The following ELF5 variants were observed in gnomAD, a reference collection of about 807,000 sequenced individuals.
The protein encoded by ELF5 is ETS-related transcription factor Elf-5.
ELF5 carries 31 observed loss-of-function variants against 38.2 expected under a neutral mutation model. The ratio of observed to expected loss-of-function variants is 0.81; its 90% CI spans 0.61 to 1.10. The LOEUF is 1.10. Among genes scored for constraint, ELF5 ranks in the 50% least tolerant of loss-of-function variants. The pLI, the probability that ELF5 is intolerant of heterozygous loss-of-function variation, is 0.00. For missense variants in ELF5, 300 were observed against 306.6 expected (o/e 0.98, Z 0.16); for synonymous variants, 121 against 112.5 (o/e 1.08, Z -0.48).
In ELF5 at chr11:34,505,612, C is replaced by T. The variant is rs1167058320; in HGVS notation, c.121+17G>A. 8.1e-6 allele frequency: 13 copies of T among 1,613,120 alleles called. No homozygotes were observed. Among genetic ancestry groups the T allele is most frequent in the Non-Finnish European group, 1.1e-5 (13 of 1,179,522 alleles). ...CATCCTGGCTGCACTCAGATGGGCT[C>T]CTTCAAATGTACGCACCTGTCTGAT... On this transcript the variant is annotated intron_variant, in intron 2 of 6. Coordinates refer to ENST00000257832, the MANE Select transcript of ELF5 (RefSeq NM_001422.4).
rs1850241158 is a variant in ELF5 at position 34,493,705 on chromosome 11, G to A, written c.129C>T (p.Asp43=). Residue 43 remains aspartate (D), a synonymous_variant, in exon 3 of 7, where the codon GAC becomes GAT. Transcript: ENST00000257832. ...CAGGGTGGACTGATGTCCAGTATGAGTCACAGGCTGCACCAAAGGAGAAAG... is the reference window on the plus strand; with the variant it reads ...CAGGGTGGACTGATGTCCAGTATGAATCACAGGCTGCACCAAAGGAGAAAG... ...YPAFEHQTAC[D]SYWTSVHPEY... 3 of 1,613,442 alleles carry A rather than the reference G, an allele frequency of 1.9e-6. No individual in the cohort carries two copies. The South Asian group carries it at 3.3e-5, about 18-fold the overall frequency.
chr11:34,493,449 C>T (rs974683178), intron 3 of ELF5, 30 bp downstream of exon 3: 3 of 1,599,970 alleles, frequency 1.9e-6, no homozygotes, highest in Middle Eastern at 1.7e-4. Flanking sequence ...CTGGTCCCTC[C>T]CCTGGAGGTC....
rs1417729809 is a variant in ELF5 at position 34,493,607 on chromosome 11, C to T, written c.227G>A (p.Cys76Tyr). Residue 76 changes from cysteine to tyrosine, a missense_variant, in exon 3 of 7, where the codon TGC becomes TAC. Coordinates refer to ENST00000257832, the MANE Select transcript of ELF5 (RefSeq NM_001422.4). ...GATGTTGAAGTTGCAGAAGGAGATG[C>T]AATTGGTGTCCAACTTGTACTGGTC... Reference protein sequence around the residue: ...CCDQYKLDTNCISFCNFNISG... With the variant: ...CCDQYKLDTNYISFCNFNISG... 1.9e-6 allele frequency: 3 copies of T among 1,614,182 alleles called. No homozygotes were observed. Among genetic ancestry groups the T allele is most frequent in the South Asian group, 1.1e-5 (1 of 91,080 alleles).
chr11:34,484,487 A>ATCCTATCCTATCCTATC (rs1564974417), intron 4 of ELF5, among the ~76,000 whole-genome samples: 350 of 68,878 alleles, frequency 5.1e-3, no homozygotes, highest in East Asian at 0.017. Context: ...TACTAACTAT[A>ATCCTATCCTATCCTATC]CTATACTATA....
intron 1 of ELF5, among the ~76,000 whole-genome samples, chr11:34,508,184 T>C (rs2133903529): frequency 6.6e-6 from 1 of 152,330 alleles, no homozygotes. Flanking sequence ...GTCCCTCACC[T>C]ATTTTTGTAA....
At position 34,480,654 on chromosome 11, in the gene ELF5, G is replaced by A. The variant is rs151017342; in HGVS notation, c.671+118C>T. On this transcript the variant is annotated intron_variant, in intron 6 of 6. Coordinates refer to ENST00000257832, the MANE Select transcript of ELF5 (RefSeq NM_001422.4). Reference sequence around the variant, plus strand: ...ACCTGTAACTAAGAACCAAAGTTTTGTCTCATGACCTTTCCATTATCAAGT... The same window carrying A: ...ACCTGTAACTAAGAACCAAAGTTTTATCTCATGACCTTTCCATTATCAAGT... The A allele has an allele frequency of 7.8e-6, 9 of 1,159,926 alleles. No individual in the cohort carries two copies. The African/African-American group carries it at 1.2e-4, about 16-fold the overall frequency. The allele number at this position is 1,159,926 out of a possible 1,614,324, so 71.9% of individuals were successfully genotyped here.
At chr11:34,513,379 T>C (rs1031833209) in intron 1 of ELF5, among the ~76,000 whole-genome samples, 2 of 152,248 alleles carry the variant, frequency 1.3e-5, no homozygotes, top group Non-Finnish European at 2.9e-5. Context: ...TTAGGGAGGA[T>C]AGAGAACTGA....
chr11:34,496,684 G>A (rs979087055), intron 2 of ELF5, among the ~76,000 whole-genome samples: 1 of 152,144 alleles, frequency 6.6e-6, no homozygotes, highest in Non-Finnish European at 1.5e-5. Context: ...TAGAGCTTTT[G>A]CTCGCCCTGA....
chr11:34,512,747 G>T (rs553697567), intron 1 of ELF5, among the ~76,000 whole-genome samples: 1 of 152,000 alleles, frequency 6.6e-6, no homozygotes, highest in Non-Finnish European at 1.5e-5. Flanking sequence ...TGAAAACTCC[G>T]GCCCGAGAAT....
At chr11:34,489,776 G>C (rs1417844443) in intron 4 of ELF5, among the ~76,000 whole-genome samples, 4 of 152,150 alleles carry the variant, frequency 2.6e-5, no homozygotes, top group African/African-American at 9.7e-5. Context: ...TACAGATAGG[G>C]GAATGGAGTC....
chr11:34,510,288 C>G (rs564727820), intron 1 of ELF5, among the ~76,000 whole-genome samples: 8 of 148,366 alleles, frequency 5.4e-5, no homozygotes, highest in African/African-American at 1.7e-4. Flanking sequence ...GAAAAAATAT[C>G]TTTTATAAAA....
At chr11:34,485,810 G>A (rs904513495) in intron 4 of ELF5, among the ~76,000 whole-genome samples, 1 of 152,118 alleles carries the variant, frequency 6.6e-6, no homozygotes, top group Non-Finnish European at 1.5e-5. Flanking sequence ...ACTGAGGCAG[G>A]TTCCCAAATC....
intron 2 of ELF5, among the ~76,000 whole-genome samples, chr11:34,496,905 C>A (rs1352022135): frequency 6.6e-6 from 1 of 152,186 alleles, no homozygotes; most frequent in East Asian, 1.9e-4. Flanking sequence ...TTACCACGCC[C>A]CACTCTTCTT....
At chr11:34,481,126 G>A (rs554160435) in intron 5 of ELF5, among the ~76,000 whole-genome samples, 159 bp from the exon 6 acceptor site, 160 of 152,154 alleles carry the variant, frequency 1.1e-3, no homozygotes, top group Middle Eastern at 3.4e-3. Context: ...GGGTTCAAGC[G>A]ATTCTTCTGC....
At chr11:34,480,661 G>T (rs1856915501) in intron 6 of ELF5, 111 bp downstream of exon 6, 2 of 1,238,038 alleles carry the variant, frequency 1.6e-6, no homozygotes, top group Non-Finnish European at 2.3e-6. Flanking sequence ...TTTGTCTCAT[G>T]ACCTTTCCAT....
At position 34,513,740 on chromosome 11, in the gene ELF5, C is replaced by G. The variant is rs1376425444; in HGVS notation, c.-68G>C. 1 of 152,434 alleles carries G rather than the reference C, an allele frequency of 6.6e-6. No individual in the cohort carries two copies. Among genetic ancestry groups the G allele is most frequent in the Non-Finnish European group, 1.5e-5 (1 of 68,206 alleles). 9.4% of individuals were successfully genotyped at this position (152,434 alleles called of 1,614,324 possible). On this transcript the variant is annotated 5_prime_UTR_variant, in exon 1 of 7. Transcript: ENST00000257832. Reference sequence around the variant, plus strand: ...CAAGGCAAGAGAAGGCAGGCGCTCCCAGCACCAGCGTGCAGTGGAAATAAA... The same window carrying G: ...CAAGGCAAGAGAAGGCAGGCGCTCCGAGCACCAGCGTGCAGTGGAAATAAA...
intron 1 of ELF5, among the ~76,000 whole-genome samples, chr11:34,508,907 C>T (rs1290046185): frequency 6.6e-6 from 1 of 152,160 alleles, no homozygotes; most frequent in Non-Finnish European, 1.5e-5. Context: ...ACAATTGAGC[C>T]CCAAGGCACA....
intron 2 of ELF5, among the ~76,000 whole-genome samples, chr11:34,494,547 G>A (rs1307386368): frequency 1.3e-5 from 2 of 152,198 alleles, no homozygotes; most frequent in Non-Finnish European, 2.9e-5. Context: ...TAGAGGAGTC[G>A]TGTACATGCC....
At chr11:34,490,881 C>T (rs1328012372) in intron 3 of ELF5, among the ~76,000 whole-genome samples, 6 of 152,040 alleles carry the variant, frequency 3.9e-5, no homozygotes, top group African/African-American at 2.4e-5. Flanking sequence ...TCCAAAGGGC[C>T]GACTGAGAAC....
Sources: gnomAD v4.1 joint callset for allele counts (sites outside exome capture counted in the v4.1 genomes callset) on GRCh38, gnomAD v4.1.1 for gene constraint, MANE v1.5 for transcripts, NCBI Gene and HGNC (gene_info 2026-07-23, HGNC 2026-07-21) for gene names.